Variants in ACTR3C observed in about 807,000 individuals in gnomAD.
ACTR3C encodes the protein actin related protein 3C.
In ACTR3C, 18 loss-of-function variants were observed where a neutral mutation model predicts 26.3. That is an observed-to-expected ratio of 0.68 (90% CI 0.47 to 1.01). ACTR3C has a LOEUF of 1.01. Among genes scored for constraint, ACTR3C ranks in the 50% least tolerant of loss-of-function variants. The pLI, the probability that ACTR3C is intolerant of heterozygous loss-of-function variation, is 0.00. For synonymous variants in ACTR3C, 55 were observed against 94.5 expected, an observed-to-expected ratio of 0.58 and a Z score of 2.42; for missense variants, 184 against 250.7, an observed-to-expected ratio of 0.73 and a Z score of 1.80.
At chr7:150,139,596 T>C in the ACTR3C span, among the ~76,000 whole-genome samples, 1 of 152,298 alleles carries the variant, frequency 6.6e-6, no homozygotes, top group Non-Finnish European at 1.5e-5. Context: ...ATTCTGAGAC[T>C]TCTTAAAAAT....
chr7:150,224,776 G>A, the ACTR3C span, among the ~76,000 whole-genome samples: 1 of 152,116 alleles, frequency 6.6e-6, no homozygotes, highest in Non-Finnish European at 1.5e-5. Flanking sequence ...CCTCCTTGAG[G>A]GCAGAGCGTT....
At chr7:150,202,624 G>C in the ACTR3C span, among the ~76,000 whole-genome samples, 5 of 152,140 alleles carry the variant, frequency 3.3e-5, no homozygotes, top group Non-Finnish European at 7.3e-5. Flanking sequence ...TAATGGCAAG[G>C]TTCTATTGTT....
the ACTR3C span, among the ~76,000 whole-genome samples, chr7:150,138,985 T>C: frequency 6.6e-6 from 1 of 152,302 alleles, no homozygotes; most frequent in Non-Finnish European, 1.5e-5. Context: ...GACTGTCTAG[T>C]TGCAGGAAAA....
chr7:150,258,564 T>C (rs1833397181), intron 6 of ACTR3C, among the ~76,000 whole-genome samples: 2 of 152,390 alleles, frequency 1.3e-5, no homozygotes, highest in South Asian at 4.1e-4. Context: ...TCCAAGTACA[T>C]AATTGGAACT....
the ACTR3C span, among the ~76,000 whole-genome samples, chr7:150,036,945 T>A: frequency 9.0e-4 from 39 of 43,320 alleles, no homozygotes; most frequent in South Asian, 0.025. Flanking sequence ...TAAGAGCCAG[T>A]GGGGGAACCA....
chr7:149,982,767 T>G, the ACTR3C span, among the ~76,000 whole-genome samples: 3 of 152,148 alleles, frequency 2.0e-5, no homozygotes, highest in Non-Finnish European at 4.4e-5. Context: ...GCTCAACTCT[T>G]GCAAAATATT....
the ACTR3C span, among the ~76,000 whole-genome samples, chr7:150,193,408 C>CTTTTTTTTTTTTTTTTTT: frequency 3.7e-5 from 5 of 133,470 alleles, no homozygotes; most frequent in East Asian, 2.2e-4. Context: ...TTTTTATTTT[C>CTTTTTTTTTTTTTTTTTT]TTTTTTTTTT....
chr7:150,197,862 C>T, the ACTR3C span, among the ~76,000 whole-genome samples: 1 of 148,828 alleles, frequency 6.7e-6, no homozygotes, highest in Non-Finnish European at 1.5e-5. Flanking sequence ...CCCCTCTCCC[C>T]TCTCCCCTCT....
chr7:150,265,295 T>C (rs1273117726), intron 6 of ACTR3C, among the ~76,000 whole-genome samples: 1 of 151,946 alleles, frequency 6.6e-6, no homozygotes, highest in Non-Finnish European at 1.5e-5. Flanking sequence ...ATCACTATTA[T>C]GGCTAATTTA....
At chr7:149,929,557 G>C in the ACTR3C span, among the ~76,000 whole-genome samples, 68 of 135,100 alleles carry the variant, frequency 5.0e-4, no homozygotes, top group South Asian at 3.3e-3. Flanking sequence ...TTTTGAGACG[G>C]AGTCTCGCTC....
chr7:150,286,285 G>A (rs1412391368), intron 5 of ACTR3C, 82 bp downstream of exon 5: 2 of 1,470,440 alleles, frequency 1.4e-6, no homozygotes, highest in Non-Finnish European at 9.2e-7. Flanking sequence ...CAGGCCCTTC[G>A]CTGGGAACTG....
the ACTR3C span, among the ~76,000 whole-genome samples, chr7:150,230,941 T>G: frequency 6.6e-6 from 1 of 152,148 alleles, no homozygotes; most frequent in Non-Finnish European, 1.5e-5. Flanking sequence ...AAGAACAGCA[T>G]TTCATTTCTT....
the ACTR3C span, among the ~76,000 whole-genome samples, chr7:149,996,378 A>C: frequency 2.7e-5 from 4 of 150,206 alleles, no homozygotes; most frequent in African/African-American, 9.7e-5. Flanking sequence ...TCATCCAGAA[A>C]AGTCTGTTGC....
the ACTR3C span, among the ~76,000 whole-genome samples, chr7:150,187,232 T>TTA: frequency 2.7e-5 from 4 of 150,818 alleles, no homozygotes; most frequent in African/African-American, 9.8e-5. Context: ...GCTTGTCTTC[T>TTA]TATATATACT....
chr7:149,958,014 A>C, the ACTR3C span, among the ~76,000 whole-genome samples: 1 of 152,250 alleles, frequency 6.6e-6, no homozygotes, highest in East Asian at 1.9e-4. Flanking sequence ...TTGATAAGGC[A>C]GATGCTAAGT....
At chr7:149,966,453 T>C in the ACTR3C span, among the ~76,000 whole-genome samples, 8 of 152,212 alleles carry the variant, frequency 5.3e-5, no homozygotes, top group Non-Finnish European at 8.8e-5. Flanking sequence ...TAAAAGAGAA[T>C]TGAGGAAAGT....
the ACTR3C span, among the ~76,000 whole-genome samples, chr7:149,970,448 A>T: frequency 1.3e-5 from 2 of 152,076 alleles, no homozygotes; most frequent in Admixed American, 6.5e-5. Flanking sequence ...AAAAACGACC[A>T]CCAAATTGTT....
At chr7:149,955,759 C>A in the ACTR3C span, among the ~76,000 whole-genome samples, 1 of 152,190 alleles carries the variant, frequency 6.6e-6, no homozygotes, top group East Asian at 1.9e-4. Flanking sequence ...ACCCATGCTC[C>A]TCCAAACGTG....
the ACTR3C span, among the ~76,000 whole-genome samples, chr7:150,205,545 T>A: frequency 0.094 from 14,288 of 151,882 alleles, 878 homozygotes; most frequent in East Asian, 0.24. Context: ...TATAACACAT[T>A]AGTAAACCCA....
Sources: gnomAD v4.1 joint callset for allele counts (sites outside exome capture counted in the v4.1 genomes callset) on GRCh38, gnomAD v4.1.1 for gene constraint, MANE v1.5 for transcripts, NCBI Gene and HGNC (gene_info 2026-07-23, HGNC 2026-07-21) for gene names.